The following CELF4 variants were observed in gnomAD, a reference collection of about 807,000 sequenced individuals.
The protein encoded by CELF4 is CUGBP Elav-like family member 4.
In CELF4, 18 loss-of-function variants were observed where a neutral mutation model predicts 59.9. The ratio of observed to expected loss-of-function variants is 0.30; its 90% CI spans 0.21 to 0.45. The LOEUF is 0.45. CELF4 is among the 20% of genes least tolerant of loss of function. The pLI, the probability that CELF4 is intolerant of heterozygous loss-of-function variation, is 1.00. For synonymous variants in CELF4, 261 were observed against 267.1 expected (o/e 0.98, Z 0.22); for missense variants, 456 against 689.0 (o/e 0.66, Z 3.79).
At chr18:37,531,741 C>T (rs576446677) in intron 1 of CELF4, among the ~76,000 whole-genome samples, 28 of 152,170 alleles carry the variant, frequency 1.8e-4, no homozygotes, top group Non-Finnish European at 3.1e-4. Flanking sequence ...ATAGAGGGGC[C>T]GTTCCATCAT....
intron 2 of CELF4, among the ~76,000 whole-genome samples, chr18:37,354,425 A>C (rs929213692): frequency 6.6e-6 from 1 of 152,114 alleles, no homozygotes; most frequent in African/African-American, 2.4e-5. Flanking sequence ...TTTCTGTCCC[A>C]ATCTGGGGTG....
At chr18:37,534,169 A>T (rs769052571) in intron 1 of CELF4, among the ~76,000 whole-genome samples, 2 of 152,138 alleles carry the variant, frequency 1.3e-5, no homozygotes, top group Non-Finnish European at 1.5e-5. Context: ...GCTGGATAGA[A>T]ACCTCAGAGA....
chr18:37,311,062 TC>T (rs2096628979), intron 3 of CELF4, among the ~76,000 whole-genome samples: 1 of 152,004 alleles, frequency 6.6e-6, no homozygotes, highest in African/African-American at 2.4e-5. Context: ...ATATCCCATT[TC>T]CCCTGAAACA....
At chr18:37,266,478 C>T (rs1159011708) in intron 9 of CELF4, 55 bp downstream of exon 9, 27 of 1,496,832 alleles carry the variant, frequency 1.8e-5, no homozygotes, top group African/African-American at 4.1e-5. Flanking sequence ...GTGTCACAGG[C>T]GTGGAGAGAT....
intron 2 of CELF4, among the ~76,000 whole-genome samples, chr18:37,403,625 C>T (rs191820909): frequency 1.2e-4 from 19 of 152,236 alleles, no homozygotes; most frequent in Non-Finnish European, 2.2e-4. Context: ...CTGTGCCTGA[C>T]GGTGTGCAGT....
rs578075447 is a variant in CELF4 at position 37,322,403 on chromosome 18, C to T, written c.370-522G>A. 1.3e-4 allele frequency among the ~76,000 whole-genome samples: 20 copies of T among 152,348 alleles called. No individual in the cohort carries two copies. In the South Asian group the frequency reaches 2.1e-3, roughly 16 times the overall value. On this transcript the variant is annotated intron_variant, in intron 2 of 12. Coordinates refer to ENST00000420428, the MANE Select transcript of CELF4 (RefSeq NM_020180.4). ...GTCAGGCGTGGCCAAGGCTCTGGGC[C>T]GTCCAGCTCCATGGTTAAAGCAGAG...
intron 2 of CELF4, among the ~76,000 whole-genome samples, chr18:37,347,389 A>G (rs1347863155): frequency 6.6e-6 from 1 of 151,998 alleles, no homozygotes; most frequent in African/African-American, 2.4e-5. Flanking sequence ...CCCTGGGCCA[A>G]TTATTCATTT....
At chr18:37,519,473 G>GA (rs759728572) in intron 1 of CELF4, among the ~76,000 whole-genome samples, 9 of 151,152 alleles carry the variant, frequency 6.0e-5, no homozygotes, top group African/African-American at 1.5e-4. Context: ...GATTAAAAAA[G>GA]AAAAAAAAAT....
chr18:37,403,755 C>T (rs577261217), intron 2 of CELF4, among the ~76,000 whole-genome samples: 7 of 152,286 alleles, frequency 4.6e-5, no homozygotes, highest in South Asian at 2.1e-4. Context: ...GTTTACATAG[C>T]GCACATGAAA....
rs79953038 is a variant in CELF4 at position 37,450,243 on chromosome 18, T to C, written c.369+35282A>G. Among the ~76,000 whole-genome samples the C allele has an allele frequency of 5.4e-3, 826 of 152,208 alleles. 5 individuals are homozygous for C. Among genetic ancestry groups the C allele is most frequent in the African/African-American group, 0.019 (768 of 41,504 alleles). ...TGTATGTGTGTTATGTATGTGTGTATGCGTGTGAGTGTTGGGAGGAAGAAG... is the reference window on the plus strand; with the variant it reads ...TGTATGTGTGTTATGTATGTGTGTACGCGTGTGAGTGTTGGGAGGAAGAAG... On this transcript the variant is annotated intron_variant, in intron 2 of 12. Coordinates refer to ENST00000420428, the MANE Select transcript of CELF4 (RefSeq NM_020180.4).
chr18:37,447,745 GTGTTCGGGTT>G (rs1569569449), intron 2 of CELF4, among the ~76,000 whole-genome samples: 1 of 152,210 alleles, frequency 6.6e-6, no homozygotes, highest in Non-Finnish European at 1.5e-5. Flanking sequence ...ACCTGCCCTG[GTGTTCGGGTT>G]TGGGCCAATG....
At chr18:37,538,891 C>T (rs1603643694) in intron 1 of CELF4, among the ~76,000 whole-genome samples, 2 of 152,340 alleles carry the variant, frequency 1.3e-5, no homozygotes, top group Middle Eastern at 6.8e-3. Context: ...CTCCCGTCAC[C>T]TCCCGTGTGC....
chr18:37,416,427 C>T (rs773844542), intron 2 of CELF4, among the ~76,000 whole-genome samples: 20 of 152,304 alleles, frequency 1.3e-4, no homozygotes, highest in Non-Finnish European at 2.8e-4. Flanking sequence ...AATCTCTAGT[C>T]CTTAGCTTGA....
chr18:37,543,894 G>A (rs2099979462), intron 1 of CELF4, among the ~76,000 whole-genome samples: 1 of 152,218 alleles, frequency 6.6e-6, no homozygotes. Context: ...TGAAGCTCCA[G>A]GGAGGCTGAA....
intron 2 of CELF4, among the ~76,000 whole-genome samples, chr18:37,436,517 T>G (rs1466635431): frequency 6.6e-6 from 1 of 152,136 alleles, no homozygotes; most frequent in East Asian, 1.9e-4. Flanking sequence ...AGAGGGGGGA[T>G]CAAGAGCCAG....
intron 1 of CELF4, among the ~76,000 whole-genome samples, chr18:37,526,791 G>C (rs1569569757): frequency 6.6e-6 from 1 of 152,178 alleles, no homozygotes; most frequent in Non-Finnish European, 1.5e-5. Flanking sequence ...GAGAAGCTTT[G>C]GTGTCAACTG....
At chr18:37,310,292 T>C (rs2096598315) in intron 3 of CELF4, among the ~76,000 whole-genome samples, 1 of 152,066 alleles carries the variant, frequency 6.6e-6, no homozygotes, top group Non-Finnish European at 1.5e-5. Flanking sequence ...AGGTCCCTGC[T>C]CCCCGCCTGC....
intron 2 of CELF4, among the ~76,000 whole-genome samples, chr18:37,334,374 A>G (rs1011445830): frequency 2.6e-5 from 4 of 151,892 alleles, no homozygotes; most frequent in African/African-American, 9.7e-5. Flanking sequence ...TGGGCCTGTC[A>G]CCCTGACAGC....
At chr18:37,390,302 A>G (rs2099145273) in intron 2 of CELF4, among the ~76,000 whole-genome samples, 1 of 151,978 alleles carries the variant, frequency 6.6e-6, no homozygotes. Flanking sequence ...CAGCTCCCAG[A>G]GCCCTGGGGA....
Sources: gnomAD v4.1 joint callset for allele counts (sites outside exome capture counted in the v4.1 genomes callset) on GRCh38, gnomAD v4.1.1 for gene constraint, MANE v1.5 for transcripts, NCBI Gene and HGNC (gene_info 2026-07-23, HGNC 2026-07-21) for gene names.